LBX2: variants seen among roughly 807,000 people sequenced by gnomAD.
LBX2 encodes the protein transcription factor LBX2.
Under a neutral mutation model 7.5 loss-of-function variants are expected in LBX2, and 6 were observed. That is an observed-to-expected ratio of 0.80 (90% CI 0.44 to 1.59). The LOEUF (loss-of-function observed/expected upper bound fraction) is 1.59, where lower values mean the gene tolerates loss of function less well. LBX2 is among the 40% of genes most tolerant of loss of function. The pLI is 0.01. For missense variants in LBX2, 281 were observed against 282.0 expected (o/e 1.00, Z 0.03); for synonymous variants, 143 against 133.2 (o/e 1.07, Z -0.51).
Position 74,497,894 on chromosome 2 carries a change from C to A in LBX2, c.*33G>T. 6.6e-7 allele frequency: 1 copy of A among 1,512,718 alleles called. No individual in the cohort carries two copies. Among genetic ancestry groups the A allele is most frequent in the Non-Finnish European group, 8.9e-7 (1 of 1,129,790 alleles). The allele number at this position is 1,512,718 out of a possible 1,614,324, so 93.7% of individuals were successfully genotyped here. On this transcript the variant is annotated 3_prime_UTR_variant, in exon 2 of 2. Transcript: ENST00000377566. ...AGAGCGCGAGGTGAGGAGTCCAGGGCCCCAGAGCCCAGGATTGGCGGCGGC... is the reference window on the plus strand; with the variant it reads ...AGAGCGCGAGGTGAGGAGTCCAGGGACCCAGAGCCCAGGATTGGCGGCGGC...
upstream of LBX2, chr2:74,502,503 G>C (rs527319725): frequency 3.0e-6 from 2 of 674,044 alleles, no homozygotes; most frequent in African/African-American, 3.6e-5. This position sits in a 1 kb window ranked among gnomAD's most constrained non-coding sequence, Gnocchi z 5.4. Context: ...CTTAGGAAAC[G>C]TCCGTGAACC....
At chr2:74,500,822 T>A (rs1674470171), upstream of LBX2, among the ~76,000 whole-genome samples, 1 of 152,216 alleles carries the variant, frequency 6.6e-6, no homozygotes, top group South Asian at 2.1e-4. Flanking sequence ...AGGAGCTTGC[T>A]GCTTTGCTGC....
At position 74,497,930 on chromosome 2, in the gene LBX2, A is replaced by G. The variant is rs919508391; in HGVS notation, c.594T>C (p.Asp198=). 9.6e-6 allele frequency: 15 copies of G among 1,558,546 alleles called. No individual in the cohort carries two copies. The highest frequency in any genetic ancestry group is 4.5e-5 in the East Asian group (2 of 44,000). ...AGGATTGGCGGCGGCTTTGTCTTCAATCGTCCACCTGTATCTCCTCGTCTG... is the reference window on the plus strand; with the variant it reads ...AGGATTGGCGGCGGCTTTGTCTTCAGTCGTCCACCTGTATCTCCTCGTCTG... ...HLSDEEIQVD[D] Residue 198 remains aspartate (D), a synonymous_variant, in exon 2 of 2, where the codon GAT becomes GAC. Coordinates refer to ENST00000377566, the MANE Select transcript of LBX2 (RefSeq NM_001282430.2).
At chr2:74,502,944 C>A (rs904983498), upstream of LBX2, 4 of 1,202,044 alleles carry the variant, frequency 3.3e-6, no homozygotes, top group African/African-American at 4.6e-5. This position sits in a 1 kb window ranked among gnomAD's most constrained non-coding sequence, Gnocchi z 5.4. Flanking sequence ...GGTGCTGTCG[C>A]CTTTGGATGT....
upstream of LBX2, chr2:74,502,295 C>CT (rs1222047084): frequency 2.4e-5 from 6 of 252,398 alleles, 1 homozygote; most frequent in East Asian, 6.0e-4. This position sits in a 1 kb window ranked among gnomAD's most constrained non-coding sequence, Gnocchi z 5.4. Context: ...CCACCCCGGG[C>CT]CGCCCCCGCT....
upstream of LBX2, chr2:74,499,608 G>A: frequency 6.8e-7 from 1 of 1,464,840 alleles, no homozygotes. This position sits in a 1 kb window ranked among gnomAD's most constrained non-coding sequence, Gnocchi z 4.6. Flanking sequence ...CCCAGTGCTC[G>A]GCTCCCAATC....
At chr2:74,499,622 G>A, upstream of LBX2, 1 of 1,416,734 alleles carries the variant, frequency 7.1e-7, no homozygotes, top group Non-Finnish European at 9.5e-7. The surrounding 1 kb of genome is among the most constrained non-coding windows in gnomAD (Gnocchi z 4.6). Flanking sequence ...CCCAATCCGG[G>A]CCCCCAGCCT....
chr2:74,502,564 G>T, upstream of LBX2: 1 of 1,178,480 alleles, frequency 8.5e-7, no homozygotes, highest in East Asian at 2.4e-5. This position sits in a 1 kb window ranked among gnomAD's most constrained non-coding sequence, Gnocchi z 5.4. Context: ...GCGGAGGAGC[G>T]TGAGGCGGGG....
At position 74,497,981 on chromosome 2, in the gene LBX2, G is replaced by C; in HGVS notation, c.543C>G (p.Ala181=). Residue 181 remains alanine, a synonymous_variant, in exon 2 of 2, where the codon GCC becomes GCG. Transcript: ENST00000377566. ...APDPGLCLGP[A]GPDSRPHLSD... ...ACAGGTGGGGCCGGGAGTCAGGGCC[G>C]GCAGGGCCGAGGCAGAGGCCGGGAT... 6.2e-7 allele frequency: 1 copy of C among 1,605,544 alleles called. No homozygotes were observed. Among genetic ancestry groups the C allele is most frequent in the Non-Finnish European group, 8.5e-7 (1 of 1,174,152 alleles).
upstream of LBX2, chr2:74,503,047 G>A (rs954560958): frequency 1.1e-5 from 6 of 559,560 alleles, no homozygotes; most frequent in Admixed American, 2.1e-4. The surrounding 1 kb of genome is among the most constrained non-coding windows in gnomAD (Gnocchi z 5.1). Context: ...AGCGCAGCAC[G>A]GCCGAGTGCG....
upstream of LBX2, among the ~76,000 whole-genome samples, chr2:74,501,024 C>T (rs556450028): frequency 1.3e-5 from 2 of 152,280 alleles, no homozygotes; most frequent in East Asian, 3.9e-4. Flanking sequence ...CTAAACAGGG[C>T]TTAGGAGATC....
chr2:74,502,718 A>G (rs1323509721), upstream of LBX2: 1 of 1,613,862 alleles, frequency 6.2e-7, no homozygotes, highest in Non-Finnish European at 8.5e-7. The surrounding 1 kb of genome is among the most constrained non-coding windows in gnomAD (Gnocchi z 5.4). Context: ...GCTGTTTTGC[A>G]AAGATCTCTG....
upstream of LBX2, chr2:74,502,242 C>G (rs113362902): frequency 4.9e-3 from 966 of 196,600 alleles, 8 homozygotes; most frequent in African/African-American, 0.015. This position sits in a 1 kb window ranked among gnomAD's most constrained non-coding sequence, Gnocchi z 5.4. Flanking sequence ...TCAGCCCTAC[C>G]CCCACCTTAT....
At chr2:74,502,562 GCGTGAGGCGGGGCTTCCGTC>G (rs1306583991), upstream of LBX2, 1 of 1,147,408 alleles carries the variant, frequency 8.7e-7, no homozygotes, top group Non-Finnish European at 1.3e-6. This position sits in a 1 kb window ranked among gnomAD's most constrained non-coding sequence, Gnocchi z 5.4. Flanking sequence ...AGGCGGAGGA[GCGTGAGGCGGGGCTTCCGTC>G]CGTCCCGCAC....
chr2:74,500,913 C>T (rs964111717), upstream of LBX2, among the ~76,000 whole-genome samples: 1 of 152,172 alleles, frequency 6.6e-6, no homozygotes, highest in Non-Finnish European at 1.5e-5. Context: ...CCTGGACTGT[C>T]CATTATGTCA....
At position 74,499,403 on chromosome 2, in the gene LBX2, C is replaced by G; in HGVS notation, c.135G>C (p.Leu45=). The change falls in exon 1 of 2, where the codon CTG becomes CTC. Residue 45 remains leucine, a synonymous_variant. Coordinates refer to ENST00000377566, the MANE Select transcript of LBX2 (RefSeq NM_001282430.2). This position sits in a 1 kb window ranked among gnomAD's most constrained non-coding sequence, Gnocchi z 4.6. ...PESGPGPTSP[L]CALEELTSKT... ...TACTAGTCAGCTCCTCCAGCGCGCACAGCGGCGACGTTGGACCCGGACCCG... is the reference window on the plus strand; with the variant it reads ...TACTAGTCAGCTCCTCCAGCGCGCAGAGCGGCGACGTTGGACCCGGACCCG... 1 of 1,550,644 alleles carries G rather than the reference C, an allele frequency of 6.4e-7. No homozygotes were observed. The highest frequency in any genetic ancestry group is 8.7e-7 in the Non-Finnish European group (1 of 1,147,010).
In LBX2 at chr2:74,497,967, CG is replaced by C. The variant is rs748272843; in HGVS notation, c.556del (p.Arg186GlyfsTer127). 1 of 1,601,166 alleles carries C rather than the reference CG, an allele frequency of 6.2e-7. No individual in the cohort carries two copies. Among genetic ancestry groups the C allele is most frequent in the Admixed American group, 1.7e-5 (1 of 58,556 alleles). On this transcript the variant is annotated frameshift_variant, in exon 2 of 2. Transcript: ENST00000377566. LOFTEE classifies it high-confidence loss of function. ...TATCTCCTCGTCTGACAGGTGGGGC[CG>C]GGAGTCAGGGCCGGCAGGGCCGAGG... is the stretch of plus-strand genomic sequence containing the variant. ...LCLGPAGPDS[R>X]PHLSDEEIQV...
Position 74,497,753 on chromosome 2 carries a change from G to C in LBX2, c.*174C>G. The C allele has an allele frequency of 2.8e-6, 2 of 719,096 alleles. No individual in the cohort carries two copies. Among genetic ancestry groups the C allele is most frequent in the Non-Finnish European group, 4.4e-6 (2 of 457,332 alleles). 44.5% of individuals were successfully genotyped at this position (719,096 alleles called of 1,614,324 possible). On this transcript the variant is annotated 3_prime_UTR_variant, in exon 2 of 2. Coordinates refer to ENST00000377566, the MANE Select transcript of LBX2 (RefSeq NM_001282430.2). ...AGCCTGGGCGACAGAGCGAGGCCCT[G>C]TCTCAGACAACAAAACAAACTTACA...
upstream of LBX2, among the ~76,000 whole-genome samples, chr2:74,500,231 C>T (rs1422987118): frequency 6.6e-6 from 1 of 152,126 alleles, no homozygotes; most frequent in Admixed American, 6.5e-5. Flanking sequence ...CCGAGGCTGC[C>T]CCACCTGACG....
Sources: gnomAD v4.1 joint callset for allele counts (sites outside exome capture counted in the v4.1 genomes callset) on GRCh38, gnomAD v4.1.1 for gene constraint, Gnocchi (gnomAD v3.1) non-coding constraint, MANE v1.5 for transcripts, NCBI Gene and HGNC (gene_info 2026-07-23, HGNC 2026-07-21) for gene names.